The following LZTFL1 variants were observed in gnomAD, a reference collection of about 807,000 sequenced individuals.
The protein encoded by LZTFL1 is leucine zipper transcription factor like 1.
LZTFL1 carries 25 observed loss-of-function variants against 45.9 expected under a neutral mutation model. The ratio of observed to expected loss-of-function variants is 0.54; its 90% CI spans 0.40 to 0.76. The LOEUF (loss-of-function observed/expected upper bound fraction) is 0.76. Among genes scored for constraint, LZTFL1 ranks in the 30% least tolerant of loss-of-function variants. The pLI, the probability that LZTFL1 is intolerant of heterozygous loss-of-function variation, is 0.00. For synonymous variants in LZTFL1, 93 were observed against 117.4 expected (o/e 0.79, Z 1.35); for missense variants, 277 against 331.1 (o/e 0.84, Z 1.27).
At position 45,901,623 on chromosome 3, in the gene LZTFL1, A is replaced by G. The variant is rs200703061; in HGVS notation, c.-215+11497T>C. The G allele has an allele frequency of 1.2e-6, 2 of 1,614,198 alleles. No individual in the cohort carries two copies. The highest frequency in any genetic ancestry group is 1.1e-5 in the South Asian group (1 of 91,086). ...CAACTGCATTTTGTTGGTGCAGACC[A>G]TTGACGCCTATGCCATGTTCATCTC... On this transcript the variant is annotated intron_variant, in intron 2 of 4. Transcript: ENST00000472635. This position sits in a 1 kb window ranked among gnomAD's most constrained non-coding sequence, Gnocchi z 4.3.
Position 45,901,274 on chromosome 3 carries a change from T to G in LZTFL1, c.-215+11846A>C, listed in dbSNP as rs61755293. On this transcript the variant is annotated intron_variant, in intron 2 of 4. Coordinates refer to the LZTFL1 transcript ENST00000472635. This position sits in a 1 kb window ranked among gnomAD's most constrained non-coding sequence, Gnocchi z 4.3. The stretch of plus-strand genomic sequence containing the variant: ...CACATACTTGGAGGGAGAAAAGGCT[T>G]TTGTACAGCAAAATGGTTTGCTTTA... 2 of 1,614,208 alleles carry G rather than the reference T, an allele frequency of 1.2e-6. No individual in the cohort carries two copies. The highest frequency in any genetic ancestry group is 2.7e-5 in the African/African-American group (2 of 75,038).
intron 4 of LZTFL1, among the ~76,000 whole-genome samples, chr3:45,851,810 TG>T (rs1177001283): frequency 6.7e-6 from 1 of 148,606 alleles, no homozygotes; most frequent in African/African-American, 2.5e-5. Flanking sequence ...ATCACACCAC[TG>T]CACTCCAGCC....
intron 1 of LZTFL1, among the ~76,000 whole-genome samples, chr3:45,839,378 A>G (rs1341519116): frequency 6.6e-6 from 1 of 152,154 alleles, no homozygotes; most frequent in Admixed American, 6.5e-5. Context: ...GTGAGCCACC[A>G]CGCCCGGCCC....
intron 7 of LZTFL1, among the ~76,000 whole-genome samples, 160 bp downstream of exon 7, chr3:45,830,753 C>T (rs975720850): frequency 1.3e-5 from 2 of 152,056 alleles, no homozygotes; most frequent in African/African-American, 4.8e-5. Flanking sequence ...TCTCACCAGG[C>T]CTTTTGGGGG....
upstream of LZTFL1, among the ~76,000 whole-genome samples, chr3:45,845,705 C>A (rs1374823059): frequency 6.6e-6 from 1 of 152,162 alleles, no homozygotes; most frequent in Non-Finnish European, 1.5e-5. Flanking sequence ...CCATGGACTT[C>A]TGGCAATGTA....
At chr3:45,880,224 C>T (rs949079245) in intron 2 of LZTFL1, among the ~76,000 whole-genome samples, 11 of 152,210 alleles carry the variant, frequency 7.2e-5, no homozygotes, top group African/African-American at 2.7e-4. Context: ...GGAAATCAGG[C>T]TAGGCGAGGT....
exon 1 of LZTFL1, chr3:45,915,531 T>C (rs1206645479): frequency 4.4e-6 from 2 of 456,542 alleles, no homozygotes; most frequent in Admixed American, 4.7e-5. Flanking sequence ...GAAATCATTT[T>C]TTCTGTGATG....
At chr3:45,862,617 T>C (rs1339651404) in intron 2 of LZTFL1, among the ~76,000 whole-genome samples, 1 of 152,232 alleles carries the variant, frequency 6.6e-6, no homozygotes, top group Non-Finnish European at 1.5e-5. Flanking sequence ...CTCCTGGTTC[T>C]ACAATCTGTT....
intron 2 of LZTFL1, among the ~76,000 whole-genome samples, chr3:45,883,169 G>T (rs1286359154): frequency 6.6e-6 from 1 of 152,190 alleles, no homozygotes; most frequent in Non-Finnish European, 1.5e-5. Flanking sequence ...GGTGTCTACT[G>T]AATAGAGAGG....
chr3:45,901,720 G>A lies in LZTFL1; in HGVS notation c.-215+11400C>T. 6.2e-7 allele frequency: 1 copy of A among 1,614,134 alleles called. No individual in the cohort carries two copies. Among genetic ancestry groups the A allele is most frequent in the Non-Finnish European group, 8.5e-7 (1 of 1,180,022 alleles). Reference sequence around the variant, plus strand: ...CAGACCATCGCCTTCTTCCACAGTTGCCTGAACCCTGTTCTCTATGTTTTT... The same window carrying A: ...CAGACCATCGCCTTCTTCCACAGTTACCTGAACCCTGTTCTCTATGTTTTT... On this transcript the variant is annotated intron_variant, in intron 2 of 4. Coordinates refer to the LZTFL1 transcript ENST00000472635. The surrounding 1 kb of genome is among the most constrained non-coding windows in gnomAD (Gnocchi z 4.3).
At position 45,901,048 on chromosome 3, in the gene LZTFL1, T is replaced by C. The variant is rs749203646; in HGVS notation, c.-215+12072A>G. On this transcript the variant is annotated intron_variant, in intron 2 of 4. Coordinates refer to the LZTFL1 transcript ENST00000472635. This position sits in a 1 kb window ranked among gnomAD's most constrained non-coding sequence, Gnocchi z 4.3. ...GTGAAGACCATGACCGACATGTTCC[T>C]TTTGAATTTGGCAATTGCTGACCTC... The C allele has an allele frequency of 6.8e-6, 11 of 1,614,104 alleles. No homozygotes were observed. The African/African-American group carries it at 1.5e-4, about 22-fold the overall frequency.
chr3:45,829,442 A>T (rs1700754987), intron 7 of LZTFL1, among the ~76,000 whole-genome samples: 1 of 151,988 alleles, frequency 6.6e-6, no homozygotes, highest in Admixed American at 6.6e-5. Flanking sequence ...GTCTCTACAA[A>T]AAATATAAAA....
chr3:45,854,901 ATC>A (rs1364045027), intron 4 of LZTFL1: 7 of 952,714 alleles, frequency 7.3e-6, no homozygotes, highest in Non-Finnish European at 1.1e-5. Context: ...TGTCCCATTC[ATC>A]TAATCTGGAA....
rs952944803 is a variant in LZTFL1, at chr3:45,823,534, A to G, written c.*2780T>C. On this transcript the variant is annotated 3_prime_UTR_variant, in exon 10 of 10. Transcript: ENST00000296135. ...CACAGTCCCCCACAAAAGCCTCCAA[A>G]CCAGTTGTCACCAACCCACTCACCT... is the stretch of plus-strand genomic sequence containing the variant. 2.6e-5 allele frequency: 4 copies of G among 152,282 alleles called. No homozygotes were observed. Among genetic ancestry groups the G allele is most frequent in the Admixed American group, 6.5e-5 (1 of 15,286 alleles). The allele number at this position is 152,282 out of a possible 1,614,324, so 9.4% of individuals were successfully genotyped here. A position where few individuals can be genotyped will look rare whatever the true frequency, so the allele number is the denominator to read the frequency against.
chr3:45,911,733 A>G (rs1301872302), intron 2 of LZTFL1, among the ~76,000 whole-genome samples: 1 of 152,364 alleles, frequency 6.6e-6, no homozygotes, highest in South Asian at 2.1e-4. Flanking sequence ...TCATGGCTTT[A>G]TGCCGTTCAG....
At chr3:45,842,262 GC>G (rs1322894394), upstream of LZTFL1, 1 of 1,117,274 alleles carries the variant, frequency 9.0e-7, no homozygotes, top group African/African-American at 1.6e-5. Flanking sequence ...ACCTTTTTGT[GC>G]CAGTTCACTT....
In LZTFL1 at chr3:45,911,912, T is replaced by G. The variant is rs568038519; in HGVS notation, c.-215+1208A>C. On this transcript the variant is annotated intron_variant, in intron 2 of 4. Coordinates refer to the LZTFL1 transcript ENST00000472635. ...AAATTAGTTTTCGCATTTTAAAAGT[T>G]AAACTGGCACCTACTAAAAATACTT... Among the ~76,000 whole-genome samples the G allele has an allele frequency of 3.9e-5, 6 of 152,392 alleles. No homozygotes were observed. In the East Asian group the frequency reaches 1.2e-3, roughly 29 times the overall value.
chr3:45,913,296 G>C, intron 1 of LZTFL1: 1 of 696,344 alleles, frequency 1.4e-6, no homozygotes, highest in Non-Finnish European at 2.3e-6. Flanking sequence ...ACAACCTAAA[G>C]ATCCTTAACT....
chr3:45,843,163 C>T (rs945394482), upstream of LZTFL1, among the ~76,000 whole-genome samples: 4 of 152,216 alleles, frequency 2.6e-5, no homozygotes, highest in Non-Finnish European at 5.9e-5. Context: ...GGATCCCTGT[C>T]TTCTTGAAAG....
Sources: gnomAD v4.1 joint callset for allele counts (sites outside exome capture counted in the v4.1 genomes callset) on GRCh38, gnomAD v4.1.1 for gene constraint, Gnocchi (gnomAD v3.1) non-coding constraint, MANE v1.5 for transcripts, NCBI Gene and HGNC (gene_info 2026-07-23, HGNC 2026-07-21) for gene names.